The following RIGI variants were observed in gnomAD, a reference collection of about 807,000 sequenced individuals.
RIGI encodes RNA sensor RIG-I, also known as antiviral innate immune response receptor RIG-I.
At chr9:32,497,079 C>CA in the RIGI span, among the ~76,000 whole-genome samples, 22 of 151,870 alleles carry the variant, frequency 1.4e-4, no homozygotes, top group African/African-American at 2.4e-4. Flanking sequence ...TCTATTTCTA[C>CA]AAAAAAAATG....
At chr9:32,487,187 T>C in the RIGI span, among the ~76,000 whole-genome samples, 2 of 152,136 alleles carry the variant, frequency 1.3e-5, no homozygotes, top group Admixed American at 1.3e-4. Context: ...ATGCCTAAAT[T>C]CTCTCATCAC....
At chr9:32,458,992 G>GA in the RIGI span, among the ~76,000 whole-genome samples, 1 of 149,444 alleles carries the variant, frequency 6.7e-6, no homozygotes, top group Non-Finnish European at 1.5e-5. Flanking sequence ...CGGTTCAAGC[G>GA]ATTCTCCTGC....
chr9:32,461,165 G>GAA, the RIGI span, among the ~76,000 whole-genome samples: 30 of 152,026 alleles, frequency 2.0e-4, no homozygotes, highest in Non-Finnish European at 3.8e-4. Flanking sequence ...AACGCTGAAA[G>GAA]AAAAGAACAG....
chr9:32,465,729 G>T, the RIGI span, among the ~76,000 whole-genome samples: 80 of 152,310 alleles, frequency 5.3e-4, no homozygotes, highest in African/African-American at 1.8e-3. Flanking sequence ...TGCTTCCAGA[G>T]ATTCTGAGAT....
chr9:32,525,007 G>A, the RIGI span, among the ~76,000 whole-genome samples: 1 of 152,116 alleles, frequency 6.6e-6, no homozygotes, highest in African/African-American at 2.4e-5. Context: ...ATGGTTTGCT[G>A]AGCGCCTCAC....
At chr9:32,515,134 G>A in the RIGI span, among the ~76,000 whole-genome samples, 2 of 152,042 alleles carry the variant, frequency 1.3e-5, no homozygotes. Context: ...AGGCATGGTG[G>A]CTCACGCCTG....
chr9:32,459,583 A>G, the RIGI span: 1 of 1,454,142 alleles, frequency 6.9e-7, no homozygotes, highest in Non-Finnish European at 9.3e-7. Context: ...AGGCACAGAT[A>G]CGTACAATAC....
the RIGI span, among the ~76,000 whole-genome samples, chr9:32,472,606 A>G: frequency 2.6e-5 from 4 of 151,982 alleles, no homozygotes; most frequent in African/African-American, 9.7e-5. Flanking sequence ...AAAGTCAGAG[A>G]CTCCAAACAG....
At chr9:32,507,290 T>C in the RIGI span, among the ~76,000 whole-genome samples, 3 of 152,188 alleles carry the variant, frequency 2.0e-5, no homozygotes, top group Non-Finnish European at 2.9e-5. Flanking sequence ...CTGTAACTCA[T>C]ATAGGATCAC....
chr9:32,488,298 C>A, the RIGI span: 55 of 1,338,818 alleles, frequency 4.1e-5, no homozygotes, highest in Non-Finnish European at 5.4e-5. Context: ...TGATTAAATT[C>A]TCCCTGAGTC....
At chr9:32,492,450 A>G in the RIGI span, 1 of 1,614,178 alleles carries the variant, frequency 6.2e-7, no homozygotes, top group Non-Finnish European at 8.5e-7. Flanking sequence ...AGCAAGTTTC[A>G]AAGTTTTGGG....
At chr9:32,496,821 C>T in the RIGI span, among the ~76,000 whole-genome samples, 1 of 152,196 alleles carries the variant, frequency 6.6e-6, no homozygotes, top group Non-Finnish European at 1.5e-5. Flanking sequence ...ACAACATTTG[C>T]TGAAGAGACT....
chr9:32,457,369 C>T, the RIGI span: 4 of 1,613,734 alleles, frequency 2.5e-6, no homozygotes. Context: ...ATGTGGTCTA[C>T]TCACAAAGCA....
the RIGI span, among the ~76,000 whole-genome samples, chr9:32,471,223 G>T: frequency 6.6e-6 from 1 of 152,202 alleles, no homozygotes; most frequent in Non-Finnish European, 1.5e-5. Context: ...CTGCACTCTA[G>T]CCTGGAAAAC....
chr9:32,521,963 C>T, the RIGI span, among the ~76,000 whole-genome samples: 1 of 152,056 alleles, frequency 6.6e-6, no homozygotes, highest in African/African-American at 2.4e-5. Flanking sequence ...AGATATAGTC[C>T]AGAGCTTGTT....
the RIGI span, among the ~76,000 whole-genome samples, chr9:32,513,486 C>T: frequency 6.6e-6 from 1 of 152,180 alleles, no homozygotes; most frequent in African/African-American, 2.4e-5. Flanking sequence ...GAAAGGATTC[C>T]CTATTTAATA....
the RIGI span, among the ~76,000 whole-genome samples, chr9:32,514,349 G>C: frequency 1.6e-4 from 24 of 152,228 alleles, no homozygotes; most frequent in African/African-American, 5.8e-4. Flanking sequence ...TGATAAACTG[G>C]ATAAAGAAAA....
At chr9:32,493,188 A>G in the RIGI span, among the ~76,000 whole-genome samples, 7 of 152,242 alleles carry the variant, frequency 4.6e-5, no homozygotes, top group Non-Finnish European at 8.8e-5. Context: ...CTTAACTGCT[A>G]GAGTCTGTAG....
the RIGI span, among the ~76,000 whole-genome samples, chr9:32,476,003 G>GTATAT: frequency 6.6e-6 from 1 of 152,060 alleles, no homozygotes; most frequent in Admixed American, 6.5e-5. Flanking sequence ...TCAAAAGATT[G>GTATAT]GTTTTCAAAG....
Sources: gnomAD v4.1 joint callset for allele counts (sites outside exome capture counted in the v4.1 genomes callset) on GRCh38, gnomAD v4.1.1 for gene constraint, MANE v1.5 for transcripts, NCBI Gene and HGNC (gene_info 2026-07-23, HGNC 2026-07-21) for gene names.